Variants in MS4A4A observed in about 807,000 individuals in gnomAD.
MS4A4A encodes the protein membrane-spanning 4-domains subfamily A member 4A.
In MS4A4A, 26 loss-of-function variants were observed where a neutral mutation model predicts 28.0. The observed-to-expected ratio is 0.93, with a 90% CI of 0.68 to 1.29. The LOEUF (loss-of-function observed/expected upper bound fraction) is 1.29. Ranked by LOEUF, MS4A4A falls within the 50% of genes most tolerant of loss-of-function variation. The probability of loss-of-function intolerance (pLI) is 0.00; values close to 1 mark genes in which losing one functional copy is unlikely to be tolerated. For missense variants in MS4A4A, 290 were observed against 293.1 expected (o/e 0.99, Z 0.08); for synonymous variants, 86 against 100.8 (o/e 0.85, Z 0.88).
chr11:60,289,078 G>A (rs2084828412), intron 1 of MS4A4A, among the ~76,000 whole-genome samples: 3 of 152,172 alleles, frequency 2.0e-5, no homozygotes, highest in Non-Finnish European at 4.4e-5. Context: ...TGTGTGTGGT[G>A]TAGTGGTGGT....
intron 1 of MS4A4A, among the ~76,000 whole-genome samples, chr11:60,283,515 A>G (rs539289486): frequency 1.8e-4 from 28 of 152,256 alleles, no homozygotes; most frequent in Non-Finnish European, 4.1e-4. Context: ...CAGGGCTCTG[A>G]AATAATCTCC....
intron 5 of MS4A4A, among the ~76,000 whole-genome samples, chr11:60,304,447 A>G (rs901700261): frequency 6.6e-6 from 1 of 152,222 alleles, no homozygotes; most frequent in Non-Finnish European, 1.5e-5. Flanking sequence ...CACCTTTCCC[A>G]GAGTCCATGA....
chr11:60,280,706 C>A lies in MS4A4A; in HGVS notation c.31C>A (p.Pro11Thr). 6.2e-7 allele frequency: 1 copy of A among 1,613,564 alleles called. No homozygotes were observed. Among genetic ancestry groups the A allele is most frequent in the East Asian group, 2.2e-5 (1 of 44,864 alleles). Residue 11 changes from proline to threonine, a missense_variant, in exon 1 of 7, where the codon CCT (proline) becomes ACT (threonine). Transcript: ENST00000337908. MHQTYSRHCR[P>T]EESTFSAAMT... is the part of the protein sequence containing the mutation. ...TCAGACCTACAGCAGACATTGCAGG[C>A]CTGAAGAAAGGTAGGTCCAGGGACT...
chr11:60,287,153 G>A (rs1021164138), intron 1 of MS4A4A, among the ~76,000 whole-genome samples: 1 of 152,142 alleles, frequency 6.6e-6, no homozygotes, highest in African/African-American at 2.4e-5. Flanking sequence ...GACTTGTACT[G>A]TCCTCCCACA....
chr11:60,283,395 G>A (rs779739297), intron 1 of MS4A4A, among the ~76,000 whole-genome samples: 14 of 152,096 alleles, frequency 9.2e-5, no homozygotes, highest in Non-Finnish European at 1.6e-4. Flanking sequence ...AACATGGATA[G>A]TGTAGTTAAT....
At chr11:60,301,098 G>A (rs748580665) in intron 4 of MS4A4A, 41 bp downstream of exon 4, 7 of 1,458,646 alleles carry the variant, frequency 4.8e-6, no homozygotes, top group African/African-American at 2.9e-5. Flanking sequence ...AAAAAGGAAG[G>A]ATTAATAAAA....
chr11:60,303,079 T>C (rs1286088762), intron 5 of MS4A4A, among the ~76,000 whole-genome samples: 1 of 152,206 alleles, frequency 6.6e-6, no homozygotes, highest in East Asian at 1.9e-4. Context: ...TATTCTCTAA[T>C]AATGAAGTAA....
chr11:60,289,674 C>A (rs1431929166), intron 1 of MS4A4A, among the ~76,000 whole-genome samples: 2 of 151,216 alleles, frequency 1.3e-5, no homozygotes, highest in African/African-American at 4.9e-5. Context: ...TGGTGACATT[C>A]TTTAGAATTC....
Position 60,292,224 on chromosome 11 carries a change from G to C in MS4A4A, c.42-1G>C, listed in dbSNP as rs557733227. ...ATACTAAATTACATTTCTTATTGTA[G>C]CACCTTTTCTGCTGCCATGACAACC... is the stretch of plus-strand genomic sequence containing the variant. On this transcript the variant is annotated splice_acceptor_variant, in intron 1 of 6. Transcript: ENST00000337908. LOFTEE classifies it high-confidence loss of function. 4.5e-6 allele frequency: 7 copies of C among 1,539,876 alleles called. No homozygotes were observed. In the African/African-American group the frequency reaches 9.9e-5, roughly 22 times the overall value.
chr11:60,297,346 T>C, intron 3 of MS4A4A, 21 bp downstream of exon 3: 2 of 1,611,522 alleles, frequency 1.2e-6, no homozygotes, highest in Non-Finnish European at 1.7e-6. Flanking sequence ...TATCTTTTGA[T>C]ATAATTGAAG....
chr11:60,292,166 T>G, intron 1 of MS4A4A, 59 bp from the exon 2 acceptor site: 4 of 1,471,282 alleles, frequency 2.7e-6, no homozygotes. Context: ...TGCCCCAAAG[T>G]GTCATGTCCT....
intron 1 of MS4A4A, among the ~76,000 whole-genome samples, chr11:60,285,477 CAA>C (rs1197428877): frequency 6.6e-6 from 1 of 152,084 alleles, no homozygotes; most frequent in Non-Finnish European, 1.5e-5. Flanking sequence ...GACCCTGTCT[CAA>C]AAAAGTCTGG....
intron 1 of MS4A4A, among the ~76,000 whole-genome samples, chr11:60,286,009 AC>A (rs2084800410): frequency 6.6e-6 from 1 of 152,034 alleles, no homozygotes; most frequent in South Asian, 2.1e-4. Context: ...TAAGGCAGAC[AC>A]CCCCAGAGCG....
intron 3 of MS4A4A, among the ~76,000 whole-genome samples, chr11:60,300,037 C>T (rs1406659042): frequency 6.6e-6 from 1 of 152,082 alleles, no homozygotes; most frequent in Non-Finnish European, 1.5e-5. Flanking sequence ...CATGAATCAT[C>T]TCTATGTCTG....
chr11:60,296,297 A>G (rs1446752819), intron 2 of MS4A4A, among the ~76,000 whole-genome samples: 1 of 151,982 alleles, frequency 6.6e-6, no homozygotes, highest in Non-Finnish European at 1.5e-5. Context: ...TTTAATTTCT[A>G]TGGGAACTGT....
At chr11:60,292,509 A>G in intron 2 of MS4A4A, 125 bp downstream of exon 2, 1 of 959,602 alleles carries the variant, frequency 1.0e-6, no homozygotes, top group East Asian at 3.1e-5. Context: ...GTCAGTAATT[A>G]CTTTTCAGGC....
At chr11:60,287,692 G>T (rs752492550) in intron 1 of MS4A4A, among the ~76,000 whole-genome samples, 1 of 152,142 alleles carries the variant, frequency 6.6e-6, no homozygotes, top group Non-Finnish European at 1.5e-5. Context: ...AGCAGATATG[G>T]ATGAGACTCA....
intron 5 of MS4A4A, 58 bp downstream of exon 5, chr11:60,302,775 G>T: frequency 1.3e-6 from 2 of 1,508,058 alleles, no homozygotes; most frequent in Non-Finnish European, 9.1e-7. Context: ...GGGAGTGCTG[G>T]CTCTGGCAAA....
chr11:60,307,640 C>T lies in MS4A4A; in HGVS notation c.649-467C>T, dbSNP rs372605138. Among the ~76,000 whole-genome samples, 27 of 152,262 alleles carry T rather than the reference C, an allele frequency of 1.8e-4. No homozygotes were observed. In the East Asian group the frequency reaches 4.2e-3, roughly 24 times the overall value. The stretch of plus-strand genomic sequence containing the variant: ...CTATCTCTTCCTGTTCTTCCACCAA[C>T]CCTATGTCACACTGACTTTGTGGAA... On this transcript the variant is annotated intron_variant, in intron 6 of 6. Coordinates refer to ENST00000337908, the MANE Select transcript of MS4A4A (RefSeq NM_148975.3).
Sources: allele counts gnomAD v4.1 joint callset (sites outside exome capture counted in the v4.1 genomes callset), GRCh38; gene constraint gnomAD v4.1.1; transcripts MANE v1.5; gene names NCBI Gene and HGNC (gene_info 2026-07-23, HGNC 2026-07-21).